The following DSCAML1 variants were observed in gnomAD, a reference collection of about 807,000 sequenced individuals.
DSCAML1 encodes cell adhesion molecule DSCAML1.
Under a neutral mutation model 200.5 loss-of-function variants are expected in DSCAML1, and 38 were observed. That is an observed-to-expected ratio of 0.19 (90% CI 0.15 to 0.25). The LOEUF (loss-of-function observed/expected upper bound fraction) is 0.25. DSCAML1 is among the 10% of genes least tolerant of loss of function. The pLI is 1.00. For synonymous variants in DSCAML1, 1,215 were observed against 1,165.0 expected (o/e 1.04, Z -0.87); for missense variants, 2,223 against 2,858.8 (o/e 0.78, Z 5.07).
chr11:117,776,670 C>A (rs977890503), intron 3 of DSCAML1, 121 bp downstream of exon 3: 13 of 1,195,762 alleles, frequency 1.1e-5, no homozygotes, highest in African/African-American at 1.5e-5. Context: ...AATAACAAGT[C>A]ACTCCCCAGA....
rs1592578454 is a variant in DSCAML1, at chr11:117,440,457, A to ATGGAGACC, written c.3863-529_3863-522dup. On this transcript the variant is annotated intron_variant, in intron 21 of 32. Coordinates refer to ENST00000651296, the MANE Select transcript of DSCAML1 (RefSeq NM_020693.4). ...AGAGGGAATAGCACTAAGCACAGAC[A>ATGGAGACC]TGGAGACCTGAAGCTCACGGCAGCT... is the stretch of plus-strand genomic sequence containing the variant. Among the ~76,000 whole-genome samples, 3 of 151,790 alleles carry ATGGAGACC rather than the reference A, an allele frequency of 2.0e-5. No homozygotes were observed. In the East Asian group the frequency reaches 5.8e-4, roughly 29 times the overall value.
At chr11:117,493,768 T>C (rs945558525) in intron 11 of DSCAML1, among the ~76,000 whole-genome samples, 3 of 152,086 alleles carry the variant, frequency 2.0e-5, no homozygotes, top group African/African-American at 7.2e-5. Flanking sequence ...GCTGGGACTA[T>C]AGGTGTGTGC....
intron 3 of DSCAML1, among the ~76,000 whole-genome samples, chr11:117,758,947 C>T (rs928600748): frequency 6.6e-6 from 1 of 152,166 alleles, no homozygotes; most frequent in African/African-American, 2.4e-5. Context: ...TTCAGGAGAT[C>T]GTCTGTTACA....
At chr11:117,457,161 G>A (rs563764563) in intron 19 of DSCAML1, among the ~76,000 whole-genome samples, 4 of 152,296 alleles carry the variant, frequency 2.6e-5, no homozygotes, top group East Asian at 1.9e-4. Flanking sequence ...ATGCACTTCC[G>A]CTGTATTTAC....
intron 11 of DSCAML1, among the ~76,000 whole-genome samples, chr11:117,500,185 G>T (rs998514125): frequency 6.6e-6 from 1 of 152,206 alleles, no homozygotes; most frequent in African/African-American, 2.4e-5. Context: ...CCTAATTAGA[G>T]ACTATTGCTT....
chr11:117,616,434 G>C (rs763076204), intron 3 of DSCAML1, among the ~76,000 whole-genome samples: 1 of 152,202 alleles, frequency 6.6e-6, no homozygotes, highest in Non-Finnish European at 1.5e-5. Flanking sequence ...GATGTATACA[G>C]GTTGTTCCTT....
At chr11:117,769,822 G>C (rs751336835) in intron 3 of DSCAML1, among the ~76,000 whole-genome samples, 51 of 151,836 alleles carry the variant, frequency 3.4e-4, no homozygotes, top group Non-Finnish European at 5.6e-4. Context: ...GCTTAGAACA[G>C]AGCCTGGCAA....
chr11:117,750,740 G>C (rs146017708), intron 3 of DSCAML1, among the ~76,000 whole-genome samples: 1 of 152,326 alleles, frequency 6.6e-6, no homozygotes, highest in East Asian at 1.9e-4. Context: ...ACTAACTGCT[G>C]TGTGACCTTG....
chr11:117,735,237 A>G (rs962220805), intron 3 of DSCAML1, among the ~76,000 whole-genome samples: 6 of 152,212 alleles, frequency 3.9e-5, no homozygotes, highest in Non-Finnish European at 8.8e-5. Context: ...AGACAGGAAG[A>G]ATTTGAAGCC....
intron 8 of DSCAML1, among the ~76,000 whole-genome samples, chr11:117,511,234 CT>C (rs1434160304): frequency 2.6e-5 from 4 of 152,052 alleles, no homozygotes; most frequent in South Asian, 2.1e-4. Context: ...GAGTATGTCC[CT>C]CTTCCACTTG....
chr11:117,518,286 A>T lies in DSCAML1; in HGVS notation c.1510+180T>A. On this transcript the variant is annotated intron_variant, in intron 7 of 32. Coordinates refer to ENST00000651296, the MANE Select transcript of DSCAML1 (RefSeq NM_020693.4). This position sits in a 1 kb window ranked among gnomAD's most constrained non-coding sequence, Gnocchi z 6.3. Reference sequence around the variant, plus strand: ...CTGTACCAGACACACACACGCACACAAGAATGGATGATGGCGCTTGAGGAG... The same window carrying T: ...CTGTACCAGACACACACACGCACACTAGAATGGATGATGGCGCTTGAGGAG... 2 of 771,702 alleles carry T rather than the reference A, an allele frequency of 2.6e-6. No homozygotes were observed. Among genetic ancestry groups the T allele is most frequent in the Non-Finnish European group, 4.3e-6 (2 of 467,320 alleles). 47.8% of individuals were successfully genotyped at this position (771,702 alleles called of 1,614,324 possible). A position where few individuals can be genotyped will look rare whatever the true frequency, so the allele number is the denominator to read the frequency against.
upstream of DSCAML1, chr11:117,797,223 G>T (rs961066559): frequency 2.0e-6 from 3 of 1,484,756 alleles, no homozygotes; most frequent in Middle Eastern, 3.9e-4. Flanking sequence ...GGCTGCGGCG[G>T]CGGCTCCTCC....
chr11:117,467,659 T>C (rs2048611007), intron 16 of DSCAML1, among the ~76,000 whole-genome samples: 1 of 152,092 alleles, frequency 6.6e-6, no homozygotes, highest in Non-Finnish European at 1.5e-5. Context: ...TTACTCTTTG[T>C]TGCTGCTTGA....
At chr11:117,473,475 C>T (rs746947091) in intron 14 of DSCAML1, among the ~76,000 whole-genome samples, 1 of 152,012 alleles carries the variant, frequency 6.6e-6, no homozygotes, top group Non-Finnish European at 1.5e-5. Flanking sequence ...CCAGCCTGGG[C>T]AACAGAACGA....
At position 117,516,405 on chromosome 11, in the gene DSCAML1, A is replaced by G; in HGVS notation, c.1783+62T>C. 6.4e-7 allele frequency: 1 copy of G among 1,561,098 alleles called. No individual in the cohort carries two copies. Among genetic ancestry groups the G allele is most frequent in the Non-Finnish European group, 8.7e-7 (1 of 1,151,622 alleles). On this transcript the variant is annotated intron_variant, in intron 8 of 32. Transcript: ENST00000651296. This position sits in a 1 kb window ranked among gnomAD's most constrained non-coding sequence, Gnocchi z 5.7. Reference sequence around the variant, plus strand: ...ATTGTTGTCTGAGTCCCAGCTGGGGAAAGGCCCACGCATCCTGGGTGGTCA... The same window carrying G: ...ATTGTTGTCTGAGTCCCAGCTGGGGGAAGGCCCACGCATCCTGGGTGGTCA...
intron 3 of DSCAML1, among the ~76,000 whole-genome samples, chr11:117,701,763 T>C (rs1379271419): frequency 5.9e-5 from 9 of 152,216 alleles, no homozygotes; most frequent in African/African-American, 2.2e-4. Flanking sequence ...AGACCCTTTG[T>C]GGCGCTGCTG....
chr11:117,550,193 C>T (rs2050444513), intron 3 of DSCAML1, among the ~76,000 whole-genome samples: 1 of 152,132 alleles, frequency 6.6e-6, no homozygotes, highest in African/African-American at 2.4e-5. Context: ...TGATAATTTC[C>T]ACTATGTTCT....
intron 3 of DSCAML1, among the ~76,000 whole-genome samples, chr11:117,556,020 T>A (rs1451510135): frequency 2.6e-5 from 4 of 152,144 alleles, no homozygotes; most frequent in Admixed American, 2.0e-4. Flanking sequence ...AGTTGCACTG[T>A]CTGGGGCCAA....
At chr11:117,559,533 A>G (rs1000921263) in intron 3 of DSCAML1, among the ~76,000 whole-genome samples, 3 of 152,306 alleles carry the variant, frequency 2.0e-5, no homozygotes, top group Non-Finnish European at 2.9e-5. Context: ...CTTTTCTGAA[A>G]TGTACCCTTC....
Sources: gnomAD v4.1 joint callset for allele counts (sites outside exome capture counted in the v4.1 genomes callset) on GRCh38, gnomAD v4.1.1 for gene constraint, Gnocchi (gnomAD v3.1) non-coding constraint, MANE v1.5 for transcripts, NCBI Gene and HGNC (gene_info 2026-07-23, HGNC 2026-07-21) for gene names.